The following GRM8 variants were observed in gnomAD, a reference collection of about 807,000 sequenced individuals.
The protein encoded by GRM8 is glutamate metabotropic receptor 8, also known as metabotropic glutamate receptor 8.
A neutral mutation model predicts 87.2 loss-of-function variants in GRM8; 47 were observed. The observed-to-expected ratio is 0.54, with a 90% confidence interval of 0.43 to 0.69. The LOEUF (loss-of-function observed/expected upper bound fraction) is 0.69, where lower values mean the gene tolerates loss of function less well. GRM8 is among the 30% of genes least tolerant of loss of function. GRM8 has a pLI of 0.00. For missense variants in GRM8, 1,019 were observed against 1,139.2 expected (o/e 0.89, Z 1.52); for synonymous variants, 396 against 404.5 (o/e 0.98, Z 0.25).
At chr7:127,011,512 CTCT>C (rs1814894103) in intron 3 of GRM8, among the ~76,000 whole-genome samples, 1 of 152,086 alleles carries the variant, frequency 6.6e-6, no homozygotes, top group African/African-American at 2.4e-5. Flanking sequence ...ATATAGCCGC[CTCT>C]TCTTCCTCTT....
intron 7 of GRM8, chr7:126,701,850 G>A (rs548232932): frequency 2.8e-6 from 3 of 1,070,906 alleles, no homozygotes; most frequent in Non-Finnish European, 3.9e-6. Context: ...GTCTGTCAGA[G>A]AATAGTGATT....
At chr7:126,539,708 T>A (rs996802944) in intron 8 of GRM8, among the ~76,000 whole-genome samples, 12 of 152,050 alleles carry the variant, frequency 7.9e-5, no homozygotes, top group African/African-American at 2.9e-4. Context: ...ATAAAGAATT[T>A]TTTTTTTCAA....
intron 2 of GRM8, among the ~76,000 whole-genome samples, chr7:127,208,683 T>C (rs1796050615): frequency 6.6e-6 from 1 of 152,176 alleles, no homozygotes; most frequent in South Asian, 2.1e-4. Flanking sequence ...TTTACAATGA[T>C]CACCTTGCTT....
At chr7:126,815,398 T>C (rs1477340128) in intron 6 of GRM8, among the ~76,000 whole-genome samples, 1 of 152,134 alleles carries the variant, frequency 6.6e-6, no homozygotes, top group Non-Finnish European at 1.5e-5. Flanking sequence ...AGAAATCGTA[T>C]ACATAGAAAA....
At chr7:126,913,234 G>C in intron 3 of GRM8, among the ~76,000 whole-genome samples, 1 of 152,142 alleles carries the variant, frequency 6.6e-6, no homozygotes. Flanking sequence ...CATGACTACA[G>C]TATTATCAGT....
chr7:127,020,263 A>G (rs1181597749), intron 3 of GRM8, among the ~76,000 whole-genome samples: 1 of 152,124 alleles, frequency 6.6e-6, no homozygotes, highest in Non-Finnish European at 1.5e-5. Flanking sequence ...CATTTTCCCA[A>G]AAATACAGTG....
At chr7:127,036,554 G>A (rs1220508842) in intron 3 of GRM8, among the ~76,000 whole-genome samples, 1 of 152,160 alleles carries the variant, frequency 6.6e-6, no homozygotes, top group Non-Finnish European at 1.5e-5. Flanking sequence ...GCAAGGAAGA[G>A]CAGCAGATCC....
intron 8 of GRM8, among the ~76,000 whole-genome samples, chr7:126,546,605 G>A (rs977145804): frequency 2.6e-5 from 4 of 152,136 alleles, no homozygotes; most frequent in African/African-American, 4.8e-5. Flanking sequence ...GAAAGGGTAA[G>A]TTTAAAACAG....
At chr7:126,742,552 T>C (rs1386805229) in intron 7 of GRM8, among the ~76,000 whole-genome samples, 2 of 151,920 alleles carry the variant, frequency 1.3e-5, no homozygotes, top group African/African-American at 2.4e-5. Flanking sequence ...CTACGGAGCA[T>C]GGTGGCCAAC....
At chr7:126,938,026 C>T (rs934186556) in intron 3 of GRM8, among the ~76,000 whole-genome samples, 6 of 152,186 alleles carry the variant, frequency 3.9e-5, no homozygotes, top group Non-Finnish European at 8.8e-5. Context: ...TAAGGAACTA[C>T]CAGAAAGGTG....
intron 7 of GRM8, among the ~76,000 whole-genome samples, chr7:126,658,091 G>A (rs1359902342): frequency 6.6e-6 from 1 of 152,254 alleles, no homozygotes; most frequent in Non-Finnish European, 1.5e-5. Context: ...AGTCATATGA[G>A]TTCAAAAGGG....
At chr7:126,808,859 T>G (rs1243770542) in intron 6 of GRM8, among the ~76,000 whole-genome samples, 1 of 152,200 alleles carries the variant, frequency 6.6e-6, no homozygotes, top group Non-Finnish European at 1.5e-5. Context: ...TTACATTTGA[T>G]GCCTACCACA....
chr7:126,770,207 TGA>T, intron 6 of GRM8, 142 bp from the exon 7 acceptor site: 1 of 611,714 alleles, frequency 1.6e-6, no homozygotes, highest in Non-Finnish European at 2.9e-6. Context: ...CTATACTTAC[TGA>T]GTCAGGTTTT....
intron 8 of GRM8, among the ~76,000 whole-genome samples, chr7:126,573,067 C>G (rs1794815371): frequency 6.6e-6 from 1 of 152,138 alleles, no homozygotes; most frequent in Non-Finnish European, 1.5e-5. Context: ...GAAGACAATT[C>G]AGGTGACCTT....
chr7:127,205,285 C>T (rs1179582211), intron 2 of GRM8, among the ~76,000 whole-genome samples: 2 of 152,124 alleles, frequency 1.3e-5, no homozygotes, highest in Non-Finnish European at 2.9e-5. Flanking sequence ...AACAAAACAA[C>T]CTCTGGCCTC....
intron 3 of GRM8, among the ~76,000 whole-genome samples, chr7:127,093,013 C>T (rs571750416): frequency 6.6e-6 from 1 of 152,200 alleles, no homozygotes; most frequent in Non-Finnish European, 1.5e-5. Flanking sequence ...CTTTCTTATT[C>T]AAATGTGTGA....
chr7:127,020,125 T>A (rs1816110234), intron 3 of GRM8, among the ~76,000 whole-genome samples: 1 of 152,124 alleles, frequency 6.6e-6, no homozygotes, highest in Admixed American at 6.6e-5. Flanking sequence ...CAATTGTGCC[T>A]ATTATCAGAA....
chr7:126,469,322 T>C (rs1423912667), intron 9 of GRM8, among the ~76,000 whole-genome samples: 1 of 152,164 alleles, frequency 6.6e-6, no homozygotes, highest in Non-Finnish European at 1.5e-5. Context: ...TTCCTTTCAT[T>C]CTTTTCTGAA....
intron 9 of GRM8, among the ~76,000 whole-genome samples, chr7:126,464,289 C>T (rs912786942): frequency 6.6e-6 from 1 of 151,516 alleles, no homozygotes; most frequent in African/African-American, 2.4e-5. Flanking sequence ...TTTTTGGTTC[C>T]AATTTGCATG....
Sources: gnomAD v4.1 joint callset for allele counts (sites outside exome capture counted in the v4.1 genomes callset) on GRCh38, gnomAD v4.1.1 for gene constraint, MANE v1.5 for transcripts, NCBI Gene and HGNC (gene_info 2026-07-23, HGNC 2026-07-21) for gene names.